The following GOLGA1 variants were observed in gnomAD, a reference collection of about 807,000 sequenced individuals.
GOLGA1 encodes the protein golgin A1.
A neutral mutation model predicts 119.7 loss-of-function variants in GOLGA1; 63 were observed. The ratio of observed to expected loss-of-function variants is 0.53; its 90% confidence interval spans 0.43 to 0.65. The LOEUF is 0.65. Ranked by LOEUF, GOLGA1 falls within the 30% of genes least tolerant of loss-of-function variation. GOLGA1 has a pLI of 0.00. For synonymous variants in GOLGA1, 318 were observed against 333.4 expected (o/e 0.95, Z 0.50); for missense variants, 798 against 912.8 (o/e 0.87, Z 1.62).
chr9:124,902,302 C>G (rs1291008590), intron 12 of GOLGA1, among the ~76,000 whole-genome samples: 1 of 150,818 alleles, frequency 6.6e-6, no homozygotes, highest in African/African-American at 2.4e-5. Context: ...TTAGTAGAGA[C>G]GGGGTTTCAC....
chr9:124,935,763 C>CAA (rs33934422), intron 3 of GOLGA1, among the ~76,000 whole-genome samples: 4 of 103,584 alleles, frequency 3.9e-5, no homozygotes, highest in East Asian at 2.6e-4. Flanking sequence ...ACTCTGTCTC[C>CAA]AAAAAAAAAA....
At chr9:124,913,116 C>T (rs1288702691) in intron 10 of GOLGA1, among the ~76,000 whole-genome samples, 1 of 152,018 alleles carries the variant, frequency 6.6e-6, no homozygotes, top group Non-Finnish European at 1.5e-5. Flanking sequence ...AGCAAGCGAG[C>T]GAGGGGGGAA....
intron 10 of GOLGA1, among the ~76,000 whole-genome samples, chr9:124,916,425 TA>T (rs1486242043): frequency 1.3e-5 from 2 of 151,802 alleles, no homozygotes; most frequent in African/African-American, 2.4e-5. Context: ...TGAATGAAGA[TA>T]GGGGAGCAAC....
intron 10 of GOLGA1, among the ~76,000 whole-genome samples, chr9:124,918,629 G>A (rs1830500089): frequency 6.6e-6 from 1 of 152,008 alleles, no homozygotes; most frequent in South Asian, 2.1e-4. Context: ...CCCGGTTGGT[G>A]CCTGTAGTCC....
rs1808932 is a variant in GOLGA1, at chr9:124,888,706, T to C, written c.1762-310A>G. ...TGCCCTACTTTATTTATTTATCTAT[T>C]TATTTATTTATTGAGACGGAGTCTT... On this transcript the variant is annotated intron_variant, in intron 18 of 22. Coordinates refer to ENST00000373555, the MANE Select transcript of GOLGA1 (RefSeq NM_002077.4). The surrounding 1 kb of genome is among the most constrained non-coding windows in gnomAD (Gnocchi z 4.4). 0.58 allele frequency among the ~76,000 whole-genome samples: 88,215 copies of C among 151,888 alleles called. 26,044 individuals carry two copies. Among genetic ancestry groups the C allele is most frequent in the South Asian group, 0.58 (2,784 of 4,810 alleles).
At chr9:124,885,484 CAA>C (rs34466889) in intron 19 of GOLGA1, among the ~76,000 whole-genome samples, 83 of 97,884 alleles carry the variant, frequency 8.5e-4, no homozygotes, top group Middle Eastern at 5.3e-3. Context: ...GACTCTGTCT[CAA>C]AAAAAAAAAA....
chr9:124,911,932 C>T lies in GOLGA1; in HGVS notation c.938G>A (p.Gly313Glu), dbSNP rs952145269. The T allele has an allele frequency of 6.2e-7, 1 of 1,611,630 alleles. No individual in the cohort carries two copies. The highest frequency in any genetic ancestry group is 1.1e-5 in the South Asian group (1 of 91,028). ...LEKRLEQNLSGEEHLQELLKE... is the reference protein window; with the variant it reads ...LEKRLEQNLSEEEHLQELLKE... ...CAGGAGTTCTTGCAAGTGTTCTTCT[C>T]CTGATAAGTTCTGTTCTAGTCTCTT... The change falls in exon 11 of 23, where the codon GGA (glycine) becomes GAA (glutamate). Residue 313 changes from glycine (G) to glutamate (E), a missense_variant. Gly to Glu is a moderately conservative substitution (Grantham distance 98). Transcript: ENST00000373555.
intron 3 of GOLGA1, among the ~76,000 whole-genome samples, chr9:124,936,535 G>A (rs1204308690): frequency 6.6e-6 from 1 of 151,674 alleles, no homozygotes; most frequent in Non-Finnish European, 1.5e-5. Flanking sequence ...CAAACTCCTG[G>A]GCTCAAGCGA....
chr9:124,943,965 T>A (rs1831100287), upstream of GOLGA1: 1 of 152,356 alleles, frequency 6.6e-6, no homozygotes, highest in African/African-American at 2.4e-5. Flanking sequence ...ATAACCTATA[T>A]GGATAAGTTA....
intron 2 of GOLGA1, among the ~76,000 whole-genome samples, chr9:124,939,724 G>A (rs945462931): frequency 1.3e-5 from 2 of 151,688 alleles, no homozygotes; most frequent in African/African-American, 4.8e-5. Flanking sequence ...CACTATGCCC[G>A]GCTTATTTTA....
At position 124,889,262 on chromosome 9, in the gene GOLGA1, C is replaced by T. The variant is rs199954522; in HGVS notation, c.1642G>A (p.Glu548Lys). Residue 548 changes from glutamate (E) to lysine (K), a missense_variant, in exon 18 of 23, where the codon GAG (glutamate) becomes AAG (lysine). Coordinates refer to ENST00000373555, the MANE Select transcript of GOLGA1 (RefSeq NM_002077.4). The part of the protein sequence containing the change: ...ALLQIHQLQA[E>K]LEALRTLKAE... Reference sequence around the variant, plus strand: ...TTGAGGGTCCTCAGGGCCTCCAGCTCGGCCTGCAGCTGGTGTATCTGCAGC... The same window carrying T: ...TTGAGGGTCCTCAGGGCCTCCAGCTTGGCCTGCAGCTGGTGTATCTGCAGC... The T allele has an allele frequency of 4.6e-5, 74 of 1,613,860 alleles. No individual in the cohort carries two copies. In the East Asian group the frequency reaches 1.2e-3, roughly 26 times the overall value.
At chr9:124,910,142 G>A (rs571014338) in intron 11 of GOLGA1, among the ~76,000 whole-genome samples, 1 of 152,234 alleles carries the variant, frequency 6.6e-6, no homozygotes, top group African/African-American at 2.4e-5. Flanking sequence ...TGTTGGCCAG[G>A]ATGGTCTCGA....
intron 10 of GOLGA1, among the ~76,000 whole-genome samples, chr9:124,916,101 CTAAA>C (rs5900631): frequency 1.1e-3 from 153 of 144,314 alleles, no homozygotes; most frequent in South Asian, 1.8e-3. Context: ...GACTGTATCT[CTAAA>C]TAAATAAATA....
rs565792755 is a variant in GOLGA1, at chr9:124,905,969, C to T, written c.1065+2408G>A. Among the ~76,000 whole-genome samples, 39 of 151,488 alleles carry T rather than the reference C, an allele frequency of 2.6e-4. 2 individuals are homozygous for T. In the South Asian group the frequency reaches 8.0e-3, roughly 31 times the overall value. Reference sequence around the variant, plus strand: ...CTCTGCTAAAAATACAAAAATTAGTCGGGCGTGGTGGCACGTGCCTGTAAT... The same window carrying T: ...CTCTGCTAAAAATACAAAAATTAGTTGGGCGTGGTGGCACGTGCCTGTAAT... On this transcript the variant is annotated intron_variant, in intron 12 of 22. Coordinates refer to ENST00000373555, the MANE Select transcript of GOLGA1 (RefSeq NM_002077.4).
Position 124,911,893 on chromosome 9 carries a change from G to A in GOLGA1, c.969+8C>T. ...AACACCAGCCAGCCCAAAGAGAACAGAAGTTACCTCTTTCAGGAGTTCTTG... is the reference window on the plus strand; with the variant it reads ...AACACCAGCCAGCCCAAAGAGAACAAAAGTTACCTCTTTCAGGAGTTCTTG... On this transcript the variant is annotated splice_region_variant and intron_variant, in intron 11 of 22. Transcript: ENST00000373555. The A allele has an allele frequency of 6.2e-7, 1 of 1,610,750 alleles. No homozygotes were observed. Among genetic ancestry groups the A allele is most frequent in the Non-Finnish European group, 8.5e-7 (1 of 1,177,428 alleles).
chr9:124,912,501 T>A (rs914319383), intron 10 of GOLGA1, among the ~76,000 whole-genome samples: 7 of 152,212 alleles, frequency 4.6e-5, no homozygotes, highest in African/African-American at 1.7e-4. Flanking sequence ...ATGCTTCTCA[T>A]ACCTTGGCTT....
intron 3 of GOLGA1, among the ~76,000 whole-genome samples, chr9:124,936,041 A>C (rs1376563594): frequency 6.6e-6 from 1 of 152,182 alleles, no homozygotes. Flanking sequence ...TATTAAGTTC[A>C]AAACTTGAGA....
chr9:124,885,907 A>G (rs1829710466), intron 19 of GOLGA1, among the ~76,000 whole-genome samples: 1 of 152,218 alleles, frequency 6.6e-6, no homozygotes, highest in Non-Finnish European at 1.5e-5. Flanking sequence ...CATCTTCCAG[A>G]GAAGAGACAA....
chr9:124,941,795 A>G (rs2131554077), upstream of GOLGA1, among the ~76,000 whole-genome samples: 1 of 152,180 alleles, frequency 6.6e-6, no homozygotes, highest in South Asian at 2.1e-4. Context: ...GAAGTTGAAA[A>G]CATCAAAAGT....
Sources: gnomAD v4.1 joint callset for allele counts (sites outside exome capture counted in the v4.1 genomes callset) on GRCh38, gnomAD v4.1.1 for gene constraint, Gnocchi (gnomAD v3.1) non-coding constraint, MANE v1.5 for transcripts, NCBI Gene and HGNC (gene_info 2026-07-23, HGNC 2026-07-21) for gene names.